SETD5: variants seen among roughly 807,000 people sequenced by gnomAD.
SETD5 encodes SET domain containing 5.
SETD5 carries 44 observed loss-of-function variants against 153.3 expected under a neutral mutation model. The observed-to-expected ratio is 0.29, with a 90% confidence interval of 0.23 to 0.37. SETD5 has a LOEUF of 0.37. Ranked by LOEUF, SETD5 falls within the 10% of genes least tolerant of loss-of-function variation. The pLI, the probability that SETD5 is intolerant of heterozygous loss-of-function variation, is 1.00. For missense variants in SETD5, 1,544 were observed against 1,768.0 expected (o/e 0.87, Z 2.27); for synonymous variants, 716 against 645.2 (o/e 1.11, Z -1.66).
At chr3:9,436,518 C>CA (rs2040584581) in intron 7 of SETD5, among the ~76,000 whole-genome samples, 4 of 152,154 alleles carry the variant, frequency 2.6e-5, no homozygotes, top group Non-Finnish European at 5.9e-5. Context: ...TTCTTAGTTT[C>CA]AAAACTGGTA....
rs2037163287 is a variant in SETD5, at chr3:9,414,805, T to C, written c.-176-9662T>C. ...GTCTTCAATGGATTTGTTAAAAATC[T>C]GGAGCATGGATTTTTTTTTTTTAAT... On this transcript the variant is annotated intron_variant, in intron 1 of 22. Coordinates refer to ENST00000402198, the MANE Select transcript of SETD5 (RefSeq NM_001080517.3). Among the ~76,000 whole-genome samples the C allele has an allele frequency of 3.3e-5, 5 of 152,164 alleles. No homozygotes were observed. The South Asian group carries it at 1.0e-3, about 31-fold the overall frequency.
chr3:9,456,673 A>T (rs1425392277), intron 17 of SETD5, among the ~76,000 whole-genome samples: 1 of 151,916 alleles, frequency 6.6e-6, no homozygotes. Flanking sequence ...TTGTGGATTA[A>T]TAAATACATT....
intron 13 of SETD5, among the ~76,000 whole-genome samples, chr3:9,446,554 G>T (rs921150132): frequency 6.6e-6 from 1 of 151,134 alleles, no homozygotes; most frequent in Non-Finnish European, 1.5e-5. Context: ...GTGCAGTGGC[G>T]CAATCTCAAC....
rs140322430 is a variant in SETD5 at position 9,421,631 on chromosome 3, G to A, written c.-176-2836G>A. On this transcript the variant is annotated intron_variant, in intron 1 of 22. Transcript: ENST00000402198. ...AAAGATAAATCGAAGAACTATAGAT[G>A]TATTTAAGAAGAAATTCAGCCTATA... is the stretch of plus-strand genomic sequence containing the variant. 3.9e-4 allele frequency among the ~76,000 whole-genome samples: 59 copies of A among 152,256 alleles called. 1 individual carries two copies. The highest frequency in any genetic ancestry group is 1.2e-3 in the African/African-American group (51 of 41,552).
rs1575507801 is a variant in SETD5, at chr3:9,453,736, T to C, written c.2347-3T>C. 3.2e-6 allele frequency: 5 copies of C among 1,580,468 alleles called. No homozygotes were observed. The highest frequency in any genetic ancestry group is 4.3e-6 in the Non-Finnish European group (5 of 1,170,904). On this transcript the variant is annotated splice_region_variant and splice_polypyrimidine_tract_variant and intron_variant, in intron 16 of 22. Coordinates refer to ENST00000402198, the MANE Select transcript of SETD5 (RefSeq NM_001080517.3). ...ATAATTCTCTGGTTCTTTTCAATTA[T>C]AGCGCTGGATAAAACAAGCCTTAGA...
intron 3 of SETD5, chr3:9,429,254 G>T: frequency 3.7e-6 from 1 of 273,766 alleles, no homozygotes; most frequent in Non-Finnish European, 7.0e-6. Flanking sequence ...TGCAAAGTAG[G>T]AATTCATTTT....
At chr3:9,437,458 G>A (rs2442825) in intron 7 of SETD5, among the ~76,000 whole-genome samples, 54,893 of 151,774 alleles carry the variant, frequency 0.36, 12,246 homozygotes, top group South Asian at 0.51. Context: ...AGTGTAAGGT[G>A]CTGGTTGATT....
At chr3:9,425,897 T>A (rs1372326970) in intron 2 of SETD5, among the ~76,000 whole-genome samples, 1 of 152,188 alleles carries the variant, frequency 6.6e-6, no homozygotes, top group Non-Finnish European at 1.5e-5. Context: ...CAATTCAGAT[T>A]CCCTTTGCTG....
rs1366326706 is a variant in SETD5, at chr3:9,476,090, AG to A, written c.*2del. The part of the protein sequence containing the change: ...SGVKTQTGLS[*>X] The stretch of plus-strand genomic sequence containing the variant: ...GTCAAGACTCAGACGGGACTTTCCT[AG>A]GGCTTCTGGATTTGGGCAAACAGAA... On this transcript the variant is annotated frameshift_variant and stop_lost, in exon 23 of 23. Transcript: ENST00000402198. LOFTEE classifies it high-confidence loss of function. 17 of 1,611,356 alleles carry A rather than the reference AG, an allele frequency of 1.1e-5. No individual in the cohort carries two copies. The highest frequency in any genetic ancestry group is 1.7e-5 in the Admixed American group (1 of 59,796).
intron 16 of SETD5, among the ~76,000 whole-genome samples, chr3:9,452,870 C>T (rs1559448777): frequency 6.6e-6 from 1 of 151,886 alleles, no homozygotes; most frequent in Non-Finnish European, 1.5e-5. Context: ...TATCAAAATT[C>T]GATCTGTCTT....
chr3:9,401,060 A>G (rs1195609126), intron 1 of SETD5, among the ~76,000 whole-genome samples: 1 of 152,228 alleles, frequency 6.6e-6, no homozygotes, highest in East Asian at 1.9e-4. Flanking sequence ...TATAATTTGT[A>G]GTATCACTCT....
intron 13 of SETD5, among the ~76,000 whole-genome samples, chr3:9,445,965 G>GGTTTTTTTTTTTTTTTT (rs2041907619): frequency 1.2e-5 from 1 of 86,476 alleles, no homozygotes; most frequent in African/African-American, 4.7e-5. Flanking sequence ...TGAAGAGGTT[G>GGTTTTTTTTTTTTTTTT]TTTTTTTTTT....
intron 7 of SETD5, 104 bp from the exon 8 acceptor site, chr3:9,440,351 GC>G (rs781670774): frequency 6.3e-5 from 41 of 654,002 alleles, no homozygotes; most frequent in Non-Finnish European, 1.1e-4. Context: ...CACATCAATT[GC>G]CAAGTGATAA....
At chr3:9,416,677 T>C (rs1165583524) in intron 1 of SETD5, among the ~76,000 whole-genome samples, 2 of 152,226 alleles carry the variant, frequency 1.3e-5, no homozygotes, top group Non-Finnish European at 1.5e-5. Context: ...TGATTTCTTA[T>C]CACCATGACC....
At chr3:9,429,039 A>G (rs769771398) in intron 3 of SETD5, 30 bp downstream of exon 3, 4 of 1,539,214 alleles carry the variant, frequency 2.6e-6, no homozygotes, top group East Asian at 4.5e-5. Context: ...TAGTAGGTAC[A>G]TTATCAGTCT....
At chr3:9,445,495 A>C (rs1245417108) in intron 12 of SETD5, 162 bp from the exon 13 acceptor site, 1 of 870,750 alleles carries the variant, frequency 1.1e-6, no homozygotes, top group East Asian at 2.6e-5. Flanking sequence ...TTTGCACCAG[A>C]GAATAGGGGT....
chr3:9,476,072 C>T lies in SETD5; in HGVS notation c.4310C>T (p.Thr1437Ile). Residue 1437 changes from threonine (T) to isoleucine (I), a missense_variant, in exon 23 of 23, where the codon ACT becomes ATT. By Grantham distance (89) the Thr-to-Ile change is moderately conservative (BLOSUM62 -1). Around this residue, in one of 9 missense-constraint regions of SETD5, gnomAD observed 302 missense variants for 277.6 expected, o/e 1.09. Coordinates refer to ENST00000402198, the MANE Select transcript of SETD5 (RefSeq NM_001080517.3). The stretch of plus-strand genomic sequence containing the variant: ...CCACTGCAAGGGTCAGGAGTCAAGA[C>T]TCAGACGGGACTTTCCTAGGGCTTC... ...LQPLQGSGVK[T>I]QTGLS is the part of the protein sequence containing the mutation. The T allele has an allele frequency of 6.2e-7, 1 of 1,613,602 alleles. No individual in the cohort carries two copies. The highest frequency in any genetic ancestry group is 8.5e-7 in the Non-Finnish European group (1 of 1,179,640).
intron 1 of SETD5, among the ~76,000 whole-genome samples, chr3:9,418,144 T>C (rs1472600240): frequency 2.0e-5 from 3 of 151,722 alleles, no homozygotes; most frequent in Non-Finnish European, 4.4e-5. Flanking sequence ...GAGACGGAGT[T>C]TCACCGTGTT....
At chr3:9,411,007 G>A (rs998940113) in intron 1 of SETD5, among the ~76,000 whole-genome samples, 1 of 151,758 alleles carries the variant, frequency 6.6e-6, no homozygotes, top group Admixed American at 6.6e-5. Flanking sequence ...TCCTGTCTCA[G>A]CCTCCCAAGT....
Sources: allele counts gnomAD v4.1 joint callset (sites outside exome capture counted in the v4.1 genomes callset), GRCh38; gene constraint gnomAD v4.1.1; regional missense constraint gnomAD v4.1.1; transcripts MANE v1.5; gene names NCBI Gene and HGNC (gene_info 2026-07-23, HGNC 2026-07-21).